The following FRMD4A variants were observed in gnomAD, a reference collection of about 807,000 sequenced individuals.
FRMD4A encodes the protein FERM domain containing 4A, also known as FERM domain-containing protein 4A.
A neutral mutation model predicts 129.1 loss-of-function variants in FRMD4A; 29 were observed. The observed-to-expected ratio is 0.22, with a 90% CI of 0.17 to 0.31. The LOEUF (loss-of-function observed/expected upper bound fraction) is 0.31, where lower values mean the gene tolerates loss of function less well. FRMD4A is among the 10% of genes least tolerant of loss of function. The pLI, the probability that FRMD4A is intolerant of heterozygous loss-of-function variation, is 1.00. For synonymous variants in FRMD4A, 634 were observed against 571.6 expected (o/e 1.11, Z -1.56); for missense variants, 1,272 against 1,375.8 (o/e 0.92, Z 1.19).
intron 12 of FRMD4A, among the ~76,000 whole-genome samples, chr10:13,719,194 A>C (rs567684881): frequency 6.6e-6 from 1 of 152,158 alleles, no homozygotes. Context: ...CTAAGCTGCA[A>C]GGGATGCGAT....
At chr10:14,010,969 T>C (rs2095680201) in intron 2 of FRMD4A, among the ~76,000 whole-genome samples, 1 of 152,226 alleles carries the variant, frequency 6.6e-6, no homozygotes, top group Non-Finnish European at 1.5e-5. Context: ...TATCAAAGGC[T>C]ACTTCCATGG....
At chr10:14,298,518 C>T (rs574289738) in intron 2 of FRMD4A, among the ~76,000 whole-genome samples, 2 of 152,168 alleles carry the variant, frequency 1.3e-5, no homozygotes, top group Non-Finnish European at 2.9e-5. Context: ...AATACTGGCC[C>T]ACTGTTGCCT....
intron 15 of FRMD4A, among the ~76,000 whole-genome samples, chr10:13,690,739 T>C (rs1352033085): frequency 1.3e-5 from 2 of 152,190 alleles, no homozygotes; most frequent in Admixed American, 1.3e-4. Context: ...GCTCTGCAAG[T>C]GGCCCCAGCT....
At chr10:14,330,035 C>T (rs1018721264) in intron 2 of FRMD4A, 23 bp downstream of exon 2, 5 of 1,551,468 alleles carry the variant, frequency 3.2e-6, no homozygotes, top group Admixed American at 2.0e-5. Flanking sequence ...TGCCCGGGCC[C>T]CACCTCCTGT....
intron 3 of FRMD4A, among the ~76,000 whole-genome samples, chr10:13,817,842 A>G (rs1409593479): frequency 2.6e-5 from 4 of 152,198 alleles, no homozygotes; most frequent in African/African-American, 9.6e-5. Context: ...ACATCCTTTC[A>G]GGTGACTTCC....
chr10:14,127,943 TTTC>T (rs1838949049), intron 2 of FRMD4A, among the ~76,000 whole-genome samples: 6 of 14,562 alleles, frequency 4.1e-4, no homozygotes, highest in Admixed American at 8.0e-4. Flanking sequence ...TCTTTCTTTC[TTTC>T]TTTCTTTCTT....
intron 2 of FRMD4A, among the ~76,000 whole-genome samples, chr10:14,226,889 A>G (rs928135061): frequency 6.6e-6 from 1 of 151,538 alleles, no homozygotes; most frequent in African/African-American, 2.4e-5. Context: ...ACCCCAATCG[A>G]CTCTTCACAC....
chr10:13,659,735 C>G (rs983785683), intron 20 of FRMD4A, among the ~76,000 whole-genome samples: 1 of 151,910 alleles, frequency 6.6e-6, no homozygotes, highest in African/African-American at 2.4e-5. Context: ...GGCAGTGTGA[C>G]GGTCCTGCCC....
At chr10:14,244,589 A>G (rs759684963) in intron 2 of FRMD4A, among the ~76,000 whole-genome samples, 3 of 152,196 alleles carry the variant, frequency 2.0e-5, no homozygotes, top group Non-Finnish European at 2.9e-5. Context: ...ATTTGTTACC[A>G]TGTTTTAGCC....
chr10:13,705,035 C>T (rs564889589), intron 13 of FRMD4A, among the ~76,000 whole-genome samples: 44 of 152,316 alleles, frequency 2.9e-4, no homozygotes, highest in African/African-American at 8.7e-4. Flanking sequence ...GATTGCACCA[C>T]TGCATTCCAG....
At chr10:13,688,313 A>G (rs2085295534) in intron 15 of FRMD4A, among the ~76,000 whole-genome samples, 2 of 152,032 alleles carry the variant, frequency 1.3e-5, no homozygotes, top group Non-Finnish European at 2.9e-5. Context: ...CAAACACCGC[A>G]TGTTCTCACT....
At chr10:13,677,420 T>C (rs539724535) in intron 15 of FRMD4A, among the ~76,000 whole-genome samples, 65 of 152,244 alleles carry the variant, frequency 4.3e-4, no homozygotes, top group Non-Finnish European at 8.5e-4. Context: ...ATTTGTTCCA[T>C]CGTGGAACCT....
In FRMD4A at chr10:14,015,984, G is replaced by A. The variant is rs141978051; in HGVS notation, c.46-157072C>T. 1.3e-3 allele frequency among the ~76,000 whole-genome samples: 203 copies of A among 152,288 alleles called. 2 individuals are homozygous for A. The highest frequency in any genetic ancestry group is 4.7e-3 in the African/African-American group (194 of 41,556). ...CCTCCCTCTTCTGTGTCACTACAAC[G>A]GATCAAGTGCTGAGCCAAGAACTGG... On this transcript the variant is annotated intron_variant, in intron 2 of 24. Coordinates refer to ENST00000357447, the MANE Select transcript of FRMD4A (RefSeq NM_018027.5).
intron 2 of FRMD4A, among the ~76,000 whole-genome samples, chr10:14,194,329 G>C (rs1275929325): frequency 6.6e-6 from 1 of 152,194 alleles, no homozygotes; most frequent in East Asian, 1.9e-4. Context: ...ACACGGAGGA[G>C]GCCGGGTGCA....
intron 2 of FRMD4A, among the ~76,000 whole-genome samples, chr10:14,321,133 A>G (rs1023257874): frequency 4.3e-4 from 65 of 152,256 alleles, no homozygotes; most frequent in Middle Eastern, 3.4e-3. Flanking sequence ...TGTCTGGTTC[A>G]CCACTGTATC....
chr10:14,001,508 C>T (rs2131620113), intron 2 of FRMD4A, among the ~76,000 whole-genome samples: 1 of 152,292 alleles, frequency 6.6e-6, no homozygotes, highest in Non-Finnish European at 1.5e-5. Flanking sequence ...GGAGTGGTAC[C>T]CATAGAGACA....
intron 2 of FRMD4A, among the ~76,000 whole-genome samples, chr10:14,245,999 C>A (rs971173718): frequency 2.0e-5 from 3 of 152,174 alleles, no homozygotes; most frequent in African/African-American, 7.2e-5. Flanking sequence ...AACCTCCCTC[C>A]GTCATCTGCC....
chr10:13,833,644 C>T (rs897363018), intron 3 of FRMD4A, among the ~76,000 whole-genome samples: 3 of 152,018 alleles, frequency 2.0e-5, no homozygotes, highest in African/African-American at 7.2e-5. Context: ...TCAGTACCTG[C>T]TTCATTGGAG....
chr10:14,115,634 G>T (rs981186723), intron 2 of FRMD4A, among the ~76,000 whole-genome samples: 1 of 152,144 alleles, frequency 6.6e-6, no homozygotes, highest in South Asian at 2.1e-4. Context: ...TGTCCTTGGG[G>T]TAATGAGTGA....
Sources: allele counts gnomAD v4.1 joint callset (sites outside exome capture counted in the v4.1 genomes callset), GRCh38; gene constraint gnomAD v4.1.1; transcripts MANE v1.5; gene names NCBI Gene and HGNC (gene_info 2026-07-23, HGNC 2026-07-21).